Variants in AGBL4 observed in about 807,000 individuals in gnomAD.
AGBL4 encodes AGBL carboxypeptidase 4, also known as cytosolic carboxypeptidase 6.
A neutral mutation model predicts 66.4 loss-of-function variants in AGBL4; 58 were observed. The observed-to-expected ratio is 0.87, with a 90% confidence interval of 0.71 to 1.09. The LOEUF (loss-of-function observed/expected upper bound fraction) is 1.09, where lower values mean the gene tolerates loss of function less well. Ranked by LOEUF, AGBL4 falls within the 50% of genes least tolerant of loss-of-function variation. The pLI is 0.00. For missense variants in AGBL4, 579 were observed against 631.0 expected, an observed-to-expected ratio of 0.92 and a Z score of 0.88; for synonymous variants, 234 against 222.9, an observed-to-expected ratio of 1.05 and a Z score of -0.44.
intron 6 of AGBL4, among the ~76,000 whole-genome samples, chr1:48,760,552 A>G (rs1644203712): frequency 1.3e-5 from 2 of 152,216 alleles, no homozygotes; most frequent in African/African-American, 4.8e-5. Flanking sequence ...GCGTCACTAT[A>G]ATGTGAGACC....
At chr1:49,530,432 C>A (rs1252392842) in intron 3 of AGBL4, among the ~76,000 whole-genome samples, 1 of 151,788 alleles carries the variant, frequency 6.6e-6, no homozygotes, top group African/African-American at 2.4e-5. Flanking sequence ...TTAATGCTAT[C>A]CCTCTTTTTA....
intron 11 of AGBL4, among the ~76,000 whole-genome samples, chr1:48,582,120 C>A (rs1374919284): frequency 6.6e-6 from 1 of 152,142 alleles, no homozygotes; most frequent in African/African-American, 2.4e-5. Flanking sequence ...AATTAAGAAC[C>A]CCTAAACTAA....
At chr1:49,464,922 C>G (rs1021899549) in intron 3 of AGBL4, among the ~76,000 whole-genome samples, 1 of 151,598 alleles carries the variant, frequency 6.6e-6, no homozygotes, top group Non-Finnish European at 1.5e-5. Context: ...CTCTACTCCT[C>G]TCCTGGTACC....
At chr1:48,795,501 C>A (rs1006466783) in intron 6 of AGBL4, among the ~76,000 whole-genome samples, 9 of 151,754 alleles carry the variant, frequency 5.9e-5, no homozygotes, top group Non-Finnish European at 1.2e-4. Context: ...CGAGAGTTAT[C>A]CTGTATACCC....
rs375291691 is a variant in AGBL4, at chr1:48,695,669, T to C, written c.635-32428A>G. On this transcript the variant is annotated intron_variant, in intron 6 of 13. Coordinates refer to ENST00000371839, the MANE Select transcript of AGBL4 (RefSeq NM_032785.4). ...AAAGGTGGCTGGTACAGGGGAGCAG[T>C]GCTGGAATGGGAGTTTGAACACTGG... Among the ~76,000 whole-genome samples the C allele has an allele frequency of 1.1e-3, 164 of 152,052 alleles. 1 individual carries two copies. Among genetic ancestry groups the C allele is most frequent in the South Asian group, 9.0e-3 (43 of 4,804 alleles).
chr1:49,459,905 T>A (rs1490649339), intron 3 of AGBL4, among the ~76,000 whole-genome samples: 1 of 151,680 alleles, frequency 6.6e-6, no homozygotes, highest in African/African-American at 2.4e-5. Flanking sequence ...TCCATCTTGA[T>A]TTTATGGTTG....
chr1:48,853,055 C>T (rs1023677894), intron 6 of AGBL4, among the ~76,000 whole-genome samples: 6 of 152,076 alleles, frequency 3.9e-5, no homozygotes, highest in African/African-American at 1.4e-4. Flanking sequence ...GGCTTCTCAG[C>T]CTAGATCATA....
intron 4 of AGBL4, among the ~76,000 whole-genome samples, chr1:49,127,260 A>G (rs1645784120): frequency 6.6e-6 from 1 of 152,124 alleles, no homozygotes; most frequent in Non-Finnish European, 1.5e-5. Context: ...TAAATTAAGA[A>G]GATACAGATT....
chr1:49,714,605 C>CAT (rs1374793185), intron 2 of AGBL4, among the ~76,000 whole-genome samples: 28 of 143,812 alleles, frequency 1.9e-4, no homozygotes, highest in Middle Eastern at 3.6e-3. Context: ...CACACACACA[C>CAT]ATATATATAT....
intron 2 of AGBL4, among the ~76,000 whole-genome samples, chr1:49,819,944 C>A (rs1016199465): frequency 7.9e-5 from 12 of 152,092 alleles, no homozygotes; most frequent in African/African-American, 2.9e-4. Context: ...TGCTCCCTGG[C>A]AATCCTCAGT....
Position 49,851,423 on chromosome 1 carries a change from G to A in AGBL4, c.130C>T (p.Leu44Phe). The part of the protein sequence containing the change: ...GYCGQPKKGH[L>F]IFDACFESGN... ...CTTTCAAAGCAAGCATCAAAGATAAGATGTCCTTTCTTGGGCTGTCCACAA... is the reference window on the plus strand; with the variant it reads ...CTTTCAAAGCAAGCATCAAAGATAAAATGTCCTTTCTTGGGCTGTCCACAA... The change falls in exon 2 of 14, where the codon CTT (leucine) becomes TTT (phenylalanine). Residue 44 changes from leucine (L) to phenylalanine (F), a missense_variant. Transcript: ENST00000371839. The A allele has an allele frequency of 1.3e-6, 2 of 1,549,688 alleles. No individual in the cohort carries two copies. The highest frequency in any genetic ancestry group is 1.7e-6 in the Non-Finnish European group (2 of 1,145,888).
intron 3 of AGBL4, among the ~76,000 whole-genome samples, chr1:49,557,440 G>A (rs1643931058): frequency 6.6e-6 from 1 of 152,084 alleles, no homozygotes; most frequent in Admixed American, 6.6e-5. Context: ...CCTGGCAGCA[G>A]CAGCATAATT....
chr1:49,615,956 A>G (rs960787984), intron 3 of AGBL4, among the ~76,000 whole-genome samples: 1 of 152,166 alleles, frequency 6.6e-6, no homozygotes, highest in African/African-American at 2.4e-5. Context: ...ACTGTAGCCT[A>G]TTCCTCATCT....
At chr1:48,827,556 C>T (rs1646453075) in intron 6 of AGBL4, among the ~76,000 whole-genome samples, 1 of 152,202 alleles carries the variant, frequency 6.6e-6, no homozygotes, top group Non-Finnish European at 1.5e-5. Context: ...GATTGTCTGG[C>T]TCCATGTCCT....
At chr1:48,894,484 G>A (rs6657414) in intron 5 of AGBL4, among the ~76,000 whole-genome samples, 5,328 of 152,172 alleles carry the variant, frequency 0.035, 328 homozygotes, top group African/African-American at 0.12. Context: ...AAATGGAAAT[G>A]CTAATGATTG....
chr1:49,072,039 C>G (rs1210931685), intron 4 of AGBL4, among the ~76,000 whole-genome samples: 1 of 152,084 alleles, frequency 6.6e-6, no homozygotes, highest in Non-Finnish European at 1.5e-5. Context: ...GGTTTAAAGT[C>G]TGTTTATCAG....
At chr1:48,989,662 A>G (rs187290947) in intron 5 of AGBL4, among the ~76,000 whole-genome samples, 138 of 152,278 alleles carry the variant, frequency 9.1e-4, no homozygotes, top group Middle Eastern at 6.8e-3. Context: ...TTCACCTAAC[A>G]TTATGATCTC....
At chr1:48,639,350 C>T (rs577169534) in intron 8 of AGBL4, among the ~76,000 whole-genome samples, 3 of 152,298 alleles carry the variant, frequency 2.0e-5, no homozygotes, top group African/African-American at 4.8e-5. Flanking sequence ...GATGCAGGAT[C>T]CCTGGCTAGG....
chr1:49,687,021 G>T lies in AGBL4; in HGVS notation c.282+10292C>A, dbSNP rs933553367. On this transcript the variant is annotated intron_variant, in intron 3 of 13. Coordinates refer to ENST00000371839, the MANE Select transcript of AGBL4 (RefSeq NM_032785.4). ...TAGGGAACTACAAGAAGGCCAATAA[G>T]TATGTAAGTCAAAAGCAAACTGGAT... Among the ~76,000 whole-genome samples the T allele has an allele frequency of 5.9e-5, 9 of 152,252 alleles. No homozygotes were observed. In the East Asian group the frequency reaches 1.7e-3, roughly 29 times the overall value.
Sources: gnomAD v4.1 joint callset for allele counts (sites outside exome capture counted in the v4.1 genomes callset) on GRCh38, gnomAD v4.1.1 for gene constraint, MANE v1.5 for transcripts, NCBI Gene and HGNC (gene_info 2026-07-23, HGNC 2026-07-21) for gene names.